The following CHODL variants were observed in gnomAD, a reference collection of about 807,000 sequenced individuals.
The protein encoded by CHODL is transmembrane protein MT75.
A neutral mutation model predicts 34.5 loss-of-function variants in CHODL; 29 were observed. The ratio of observed to expected loss-of-function variants is 0.84; its 90% CI spans 0.63 to 1.15. CHODL has a LOEUF of 1.15. CHODL is among the 50% of genes most tolerant of loss of function. The probability of loss-of-function intolerance (pLI) is 0.00; values close to 1 mark genes in which losing one functional copy is unlikely to be tolerated. For synonymous variants in CHODL, 125 were observed against 116.1 expected (o/e 1.08, Z -0.49); for missense variants, 332 against 332.5 (o/e 1.00, Z 0.01).
intron 1 of CHODL, among the ~76,000 whole-genome samples, chr21:18,006,448 A>G (rs539358148): frequency 3.9e-5 from 6 of 152,226 alleles, no homozygotes; most frequent in African/African-American, 1.2e-4. Flanking sequence ...ACCTATCTAC[A>G]TTACTGCCAC....
chr21:18,029,540 A>T (rs977130053), intron 2 of CHODL, among the ~76,000 whole-genome samples: 7 of 92,730 alleles, frequency 7.5e-5, no homozygotes, highest in African/African-American at 2.9e-4. Context: ...ACAATTTAGG[A>T]AACTTTGTAT....
chr21:17,956,967 C>T (rs1019843553), intron 1 of CHODL, among the ~76,000 whole-genome samples: 1 of 151,656 alleles, frequency 6.6e-6, no homozygotes, highest in Non-Finnish European at 1.5e-5. Context: ...AATCAGTGAA[C>T]TGAGTAAAGA....
chr21:18,263,256 G>A (rs2074404498), intron 5 of CHODL, among the ~76,000 whole-genome samples: 1 of 152,104 alleles, frequency 6.6e-6, no homozygotes, highest in African/African-American at 2.4e-5. Flanking sequence ...TGAAGTATAA[G>A]AATTAATGCT....
intron 2 of CHODL, among the ~76,000 whole-genome samples, chr21:18,126,433 T>C (rs564295109): frequency 1.8e-4 from 27 of 152,362 alleles, no homozygotes; most frequent in African/African-American, 6.0e-4. Flanking sequence ...GCTTTATTGC[T>C]ATATTCACTT....
At chr21:17,957,736 TATAAAAATA>T (rs2063503241) in intron 1 of CHODL, among the ~76,000 whole-genome samples, 2 of 151,330 alleles carry the variant, frequency 1.3e-5, no homozygotes, top group South Asian at 2.1e-4. Flanking sequence ...TAAAATAAAA[TATAAAAATA>T]ATAAAAATAA....
chr21:18,129,971 T>C (rs2072635395), intron 2 of CHODL, among the ~76,000 whole-genome samples: 1 of 151,906 alleles, frequency 6.6e-6, no homozygotes, highest in Non-Finnish European at 1.5e-5. Context: ...ACTATATCTG[T>C]ATGACAGATA....
chr21:18,183,167 C>T (rs2073402109), intron 2 of CHODL, among the ~76,000 whole-genome samples: 1 of 152,220 alleles, frequency 6.6e-6, no homozygotes, highest in Admixed American at 6.5e-5. Flanking sequence ...TTCACTCTCC[C>T]CCACATCTGT....
intron 2 of CHODL, among the ~76,000 whole-genome samples, chr21:18,236,967 A>G (rs917538708): frequency 6.6e-6 from 1 of 152,140 alleles, no homozygotes; most frequent in African/African-American, 2.4e-5. Flanking sequence ...TATTTTTCCT[A>G]TAGGAGACTG....
At chr21:18,116,448 C>T (rs1404371440) in intron 2 of CHODL, among the ~76,000 whole-genome samples, 1 of 152,202 alleles carries the variant, frequency 6.6e-6, no homozygotes, top group Non-Finnish European at 1.5e-5. Context: ...GATCTGTTCA[C>T]TTATATTTGT....
intron 1 of CHODL, among the ~76,000 whole-genome samples, chr21:17,967,413 A>G (rs767547249): frequency 7.2e-5 from 11 of 152,136 alleles, no homozygotes; most frequent in Non-Finnish European, 1.3e-4. Context: ...TGGCATCCCT[A>G]TGATATCCTC....
intron 2 of CHODL, among the ~76,000 whole-genome samples, chr21:18,111,418 C>T (rs1464774079): frequency 4.6e-5 from 7 of 152,156 alleles, no homozygotes; most frequent in South Asian, 4.1e-4. Context: ...ATGAGATTGT[C>T]GGCTACGCCA....
At chr21:18,245,840 G>A (rs1188992371) in intron 1 of CHODL, 1 of 1,340,904 alleles carries the variant, frequency 7.5e-7, no homozygotes, top group Admixed American at 2.0e-5. Context: ...GCAAGGAACT[G>A]AAGTGTGGTC....
At chr21:18,009,681 A>G (rs1280838886) in intron 1 of CHODL, among the ~76,000 whole-genome samples, 2 of 151,980 alleles carry the variant, frequency 1.3e-5, no homozygotes, top group African/African-American at 2.4e-5. Context: ...AAGGTCAGGA[A>G]ATCGAGAACA....
chr21:18,043,098 G>T (rs2064396350), intron 2 of CHODL, among the ~76,000 whole-genome samples: 1 of 151,950 alleles, frequency 6.6e-6, no homozygotes, highest in Admixed American at 6.6e-5. Context: ...AGGGAAATTG[G>T]TTGTATGCTC....
At chr21:18,191,975 C>G (rs1286727844) in intron 2 of CHODL, among the ~76,000 whole-genome samples, 1 of 152,028 alleles carries the variant, frequency 6.6e-6, no homozygotes, top group African/African-American at 2.4e-5. Flanking sequence ...AATCATGTTG[C>G]AAATGAAAGT....
chr21:18,204,386 T>G (rs1488275709), intron 2 of CHODL, among the ~76,000 whole-genome samples: 1 of 152,114 alleles, frequency 6.6e-6, no homozygotes, highest in Non-Finnish European at 1.5e-5. Flanking sequence ...AATTAAGATG[T>G]TGTATATTTT....
At chr21:18,075,130 C>T (rs1185702267) in intron 2 of CHODL, among the ~76,000 whole-genome samples, 1 of 152,144 alleles carries the variant, frequency 6.6e-6, no homozygotes, top group Non-Finnish European at 1.5e-5. Context: ...ATGACAACTT[C>T]TATTATCCAC....
Position 18,258,227 on chromosome 21 carries a change from G to T in CHODL, c.547+1100G>T, listed in dbSNP as rs976072014. 6.6e-5 allele frequency among the ~76,000 whole-genome samples: 10 copies of T among 151,464 alleles called. 1 individual carries two copies. The highest frequency in any genetic ancestry group is 2.4e-4 in the African/African-American group (10 of 41,154). ...GTGAGTTTATTCTTTAACCATCTTG[G>T]TTGCTAAACCCGTCATTACCCTCCT... On this transcript the variant is annotated intron_variant, in intron 3 of 5. Transcript: ENST00000299295.
chr21:17,978,941 A>G lies in CHODL; in HGVS notation c.-144-48931A>G, dbSNP rs1457496083. Among the ~76,000 whole-genome samples, 3 of 152,060 alleles carry G rather than the reference A, an allele frequency of 2.0e-5. No individual in the cohort carries two copies. The South Asian group carries it at 6.2e-4, about 32-fold the overall frequency. On this transcript the variant is annotated intron_variant, in intron 1 of 6. Transcript: ENST00000400127. ...AATAGGCCCCTCTCTGTCCATGCAC[A>G]TGAGTTCCTGCATCTCAGCAGCAGC...
Sources: gnomAD v4.1 joint callset for allele counts (sites outside exome capture counted in the v4.1 genomes callset) on GRCh38, gnomAD v4.1.1 for gene constraint, MANE v1.5 for transcripts, NCBI Gene and HGNC (gene_info 2026-07-23, HGNC 2026-07-21) for gene names.